Variants in CEP128 observed in about 807,000 individuals in gnomAD.
CEP128 encodes centrosomal protein 128, also known as centrosomal protein 128kDa.
Under a neutral mutation model 156.7 loss-of-function variants are expected in CEP128, and 132 were observed. That is an observed-to-expected ratio of 0.84 (90% CI 0.73 to 0.97). The LOEUF (loss-of-function observed/expected upper bound fraction) is 0.97, where lower values mean the gene tolerates loss of function less well. Among genes scored for constraint, CEP128 ranks in the 50% least tolerant of loss-of-function variants. The probability of loss-of-function intolerance (pLI) is 0.00; values close to 1 mark genes in which losing one functional copy is unlikely to be tolerated. For synonymous variants in CEP128, 469 were observed against 448.9 expected (o/e 1.04, Z -0.57); for missense variants, 1,252 against 1,281.9 (o/e 0.98, Z 0.36).
At chr14:80,524,853 T>C (rs1278788063) in intron 23 of CEP128, among the ~76,000 whole-genome samples, 1 of 152,232 alleles carries the variant, frequency 6.6e-6, no homozygotes, top group Non-Finnish European at 1.5e-5. Context: ...TTGCACTATC[T>C]ACTTGCAAAA....
chr14:80,881,243 C>T (rs1344086145), intron 8 of CEP128, among the ~76,000 whole-genome samples: 1 of 151,992 alleles, frequency 6.6e-6, no homozygotes, highest in Non-Finnish European at 1.5e-5. Flanking sequence ...GGAGACATTA[C>T]AACTGCTACT....
intron 8 of CEP128, among the ~76,000 whole-genome samples, chr14:80,869,839 A>G (rs1054378654): frequency 2.6e-5 from 4 of 152,066 alleles, no homozygotes; most frequent in African/African-American, 9.7e-5. Context: ...AAGAAAACTG[A>G]CAAAATGCTA....
intron 6 of CEP128, among the ~76,000 whole-genome samples, chr14:80,902,120 T>C (rs1883601189): frequency 6.6e-6 from 1 of 152,194 alleles, no homozygotes; most frequent in Non-Finnish European, 1.5e-5. Flanking sequence ...CATACAATTC[T>C]GTAGCCCTAT....
chr14:80,649,874 G>A (rs61429001), intron 19 of CEP128, among the ~76,000 whole-genome samples: 23,085 of 152,004 alleles, frequency 0.15, 2,036 homozygotes, highest in East Asian at 0.34. Flanking sequence ...TGTTCTTTTC[G>A]CTTAGGATTG....
intron 23 of CEP128, among the ~76,000 whole-genome samples, chr14:80,512,946 T>C (rs1328467770): frequency 1.3e-5 from 2 of 152,162 alleles, no homozygotes; most frequent in African/African-American, 4.8e-5. Flanking sequence ...AAGATGTATT[T>C]GTTTTTATTT....
intron 7 of CEP128, among the ~76,000 whole-genome samples, chr14:80,899,346 T>C (rs1883392561): frequency 6.6e-6 from 1 of 152,174 alleles, no homozygotes; most frequent in African/African-American, 2.4e-5. Context: ...ATCTTTGTTT[T>C]TCAGCAAAAC....
At chr14:80,707,662 TTAC>T (rs1240452547) in intron 19 of CEP128, among the ~76,000 whole-genome samples, 8 of 152,282 alleles carry the variant, frequency 5.3e-5, no homozygotes, top group Non-Finnish European at 1.0e-4. Context: ...CAATTCAAAT[TTAC>T]TACTACATGA....
chr14:80,859,642 G>A (rs1887417096), intron 9 of CEP128, among the ~76,000 whole-genome samples: 1 of 152,130 alleles, frequency 6.6e-6, no homozygotes. Flanking sequence ...AAAAAAGGAA[G>A]TGGATTCCTG....
At chr14:80,662,087 C>T (rs1003798046) in intron 19 of CEP128, among the ~76,000 whole-genome samples, 3 of 152,072 alleles carry the variant, frequency 2.0e-5, no homozygotes, top group African/African-American at 4.8e-5. Context: ...CAGCTGAATG[C>T]GTGGGAAACA....
chr14:80,702,905 C>T (rs1897121784), intron 19 of CEP128, among the ~76,000 whole-genome samples: 1 of 151,994 alleles, frequency 6.6e-6, no homozygotes, highest in African/African-American at 2.4e-5. Flanking sequence ...AAACAAAATA[C>T]CTAAGCATAG....
At chr14:80,671,412 A>T (rs1895836160) in intron 19 of CEP128, among the ~76,000 whole-genome samples, 1 of 152,186 alleles carries the variant, frequency 6.6e-6, no homozygotes, top group African/African-American at 2.4e-5. Context: ...AGACTTCCTC[A>T]TCAGTTATAC....
chr14:80,812,780 G>A (rs1884633109), intron 13 of CEP128, among the ~76,000 whole-genome samples: 1 of 152,162 alleles, frequency 6.6e-6, no homozygotes, highest in Admixed American at 6.5e-5. Context: ...GGTCAGGCTG[G>A]TCTGGAACTC....
At chr14:80,921,267 G>A (rs1317651078) in intron 2 of CEP128, among the ~76,000 whole-genome samples, 1 of 152,130 alleles carries the variant, frequency 6.6e-6, no homozygotes, top group African/African-American at 2.4e-5. Context: ...AGGTGATTGG[G>A]TCATGAAGGC....
intron 19 of CEP128, among the ~76,000 whole-genome samples, chr14:80,716,020 G>A (rs1320679056): frequency 2.0e-5 from 3 of 152,194 alleles, no homozygotes; most frequent in Non-Finnish European, 4.4e-5. Context: ...ATGAATGTAA[G>A]AGTGGAGACA....
chr14:80,724,247 T>A (rs1897929658), intron 19 of CEP128, among the ~76,000 whole-genome samples: 1 of 152,242 alleles, frequency 6.6e-6, no homozygotes, highest in Admixed American at 6.5e-5. Flanking sequence ...AAATTTGGAA[T>A]GCTGAAGAAT....
At chr14:80,790,658 T>C (rs1901657093) in intron 14 of CEP128, among the ~76,000 whole-genome samples, 3 of 152,122 alleles carry the variant, frequency 2.0e-5, no homozygotes, top group African/African-American at 7.2e-5. Context: ...ATGATATATA[T>C]CTGATAACCT....
intron 9 of CEP128, among the ~76,000 whole-genome samples, chr14:80,849,131 G>C (rs1003217216): frequency 6.6e-6 from 1 of 152,044 alleles, no homozygotes; most frequent in African/African-American, 2.4e-5. Context: ...GATAGACTTG[G>C]TGTAAAGAAC....
At chr14:80,605,085 G>A (rs1230183437) in intron 19 of CEP128, among the ~76,000 whole-genome samples, 1 of 152,088 alleles carries the variant, frequency 6.6e-6, no homozygotes. Flanking sequence ...AGTTAGCTAA[G>A]TAGATTTTCA....
Position 80,831,196 on chromosome 14 carries a change from G to A in CEP128, c.1156C>T (p.Arg386Trp), listed in dbSNP as rs774497397. The A allele has an allele frequency of 8.7e-6, 14 of 1,613,764 alleles. No individual in the cohort carries two copies. Among genetic ancestry groups the A allele is most frequent in the African/African-American group, 2.7e-5 (2 of 74,866 alleles). The change falls in exon 13 of 25, where the codon CGG becomes TGG. Residue 386 changes from arginine to tryptophan, a missense_variant. Transcript: ENST00000555265. ...TCCTTGTCTTTTCTCTCCATGCACC[G>A]TTTCACTTCCTCTAACTCAGATGCC... ...AMASELEEVK[R>W]CMERKDKEKA...
Sources: allele counts gnomAD v4.1 joint callset (sites outside exome capture counted in the v4.1 genomes callset), GRCh38; gene constraint gnomAD v4.1.1; transcripts MANE v1.5; gene names NCBI Gene and HGNC (gene_info 2026-07-23, HGNC 2026-07-21).